RBFOX1: variants seen among roughly 807,000 people sequenced by gnomAD.
The protein encoded by RBFOX1 is RNA binding protein fox-1 homolog 1.
Under a neutral mutation model 57.7 loss-of-function variants are expected in RBFOX1, and 8 were observed. The observed-to-expected ratio is 0.14, with a 90% CI of 0.08 to 0.25. The LOEUF (loss-of-function observed/expected upper bound fraction) is 0.25. Ranked by LOEUF, RBFOX1 falls within the 10% of genes least tolerant of loss-of-function variation. The probability of loss-of-function intolerance (pLI) is 1.00; values close to 1 mark genes in which losing one functional copy is unlikely to be tolerated. For missense variants in RBFOX1, 611 were observed against 548.5 expected, an observed-to-expected ratio of 1.11 and a Z score of -1.14; for synonymous variants, 326 against 222.4, an observed-to-expected ratio of 1.47 and a Z score of -4.15.
intron 1 of RBFOX1, among the ~76,000 whole-genome samples, chr16:5,262,283 C>T (rs1458102974): frequency 6.6e-6 from 1 of 152,172 alleles, no homozygotes; most frequent in Non-Finnish European, 1.5e-5. Context: ...TTTGGCTACA[C>T]GTTATTCTGG....
At chr16:6,848,312 C>A (rs1436468064) in intron 3 of RBFOX1, among the ~76,000 whole-genome samples, 1 of 152,114 alleles carries the variant, frequency 6.6e-6, no homozygotes, top group East Asian at 1.9e-4. Context: ...GCCAGGCTTT[C>A]TCATTTCTCC....
intron 4 of RBFOX1, among the ~76,000 whole-genome samples, chr16:7,145,915 C>G (rs2074873227): frequency 1.3e-5 from 2 of 152,186 alleles, no homozygotes; most frequent in Admixed American, 1.3e-4. Flanking sequence ...CCATGACCCT[C>G]TGGCGGAGTA....
chr16:5,810,548 C>T (rs1017916363), intron 3 of RBFOX1, among the ~76,000 whole-genome samples: 4 of 152,186 alleles, frequency 2.6e-5, no homozygotes, highest in African/African-American at 9.7e-5. Context: ...GCACTTCTAT[C>T]CCATGGTGCT....
intron 2 of RBFOX1, among the ~76,000 whole-genome samples, chr16:6,335,750 C>T (rs1474034813): frequency 7.1e-5 from 10 of 141,016 alleles, no homozygotes; most frequent in Admixed American, 6.6e-4. Flanking sequence ...TACAGTCCAG[C>T]CTGGGGGATA....
At chr16:6,946,073 C>G (rs937126051) in intron 3 of RBFOX1, among the ~76,000 whole-genome samples, 1 of 152,330 alleles carries the variant, frequency 6.6e-6, no homozygotes, top group Middle Eastern at 3.4e-3. Context: ...CACCCTTTCC[C>G]CAGCAACCTT....
chr16:6,994,614 A>G (rs150643052), intron 3 of RBFOX1, among the ~76,000 whole-genome samples: 10 of 152,328 alleles, frequency 6.6e-5, no homozygotes, highest in African/African-American at 2.4e-4. Flanking sequence ...TGTATCTGCT[A>G]GTGTTTTGAT....
intron 3 of RBFOX1, among the ~76,000 whole-genome samples, chr16:6,659,107 A>G (rs1437629939): frequency 1.3e-5 from 2 of 151,958 alleles, no homozygotes; most frequent in Non-Finnish European, 2.9e-5. Flanking sequence ...TGAAGCATTT[A>G]AATTCATTTT....
intron 7 of RBFOX1, among the ~76,000 whole-genome samples, chr16:7,591,273 G>C (rs6416821): frequency 0.84 from 128,408 of 152,112 alleles, 54,793 homozygotes; most frequent in Admixed American, 0.9. Flanking sequence ...TGAATCTTCA[G>C]ATGCTCATCA....
intron 1 of RBFOX1, chr16:6,057,048 G>C (rs547337779): frequency 1.3e-5 from 2 of 151,484 alleles, no homozygotes; most frequent in Admixed American, 1.3e-4. Context: ...AGAGATTCAC[G>C]TATGGCTGAA....
At chr16:6,600,879 A>G (rs2097844865) in intron 2 of RBFOX1, among the ~76,000 whole-genome samples, 1 of 152,230 alleles carries the variant, frequency 6.6e-6, no homozygotes, top group South Asian at 2.1e-4. Context: ...TAACTGGGGA[A>G]TTAGATCTAT....
chr16:7,303,721 C>A (rs2142105554), intron 4 of RBFOX1, among the ~76,000 whole-genome samples: 1 of 151,880 alleles, frequency 6.6e-6, no homozygotes, highest in Admixed American at 6.6e-5. Context: ...AACCTCTCTT[C>A]CTCTCTTTCA....
chr16:5,348,919 T>G (rs775357961), intron 1 of RBFOX1, among the ~76,000 whole-genome samples: 1 of 152,206 alleles, frequency 6.6e-6, no homozygotes, highest in Non-Finnish European at 1.5e-5. Context: ...TTTCGTTTCT[T>G]TTGGATATAT....
chr16:7,313,850 C>G (rs984424202), intron 4 of RBFOX1, among the ~76,000 whole-genome samples: 1 of 152,078 alleles, frequency 6.6e-6, no homozygotes, highest in African/African-American at 2.4e-5. Context: ...CTGCACCATC[C>G]CTATGTCCTC....
At chr16:6,620,101 G>A (rs2098205775) in intron 2 of RBFOX1, among the ~76,000 whole-genome samples, 1 of 152,044 alleles carries the variant, frequency 6.6e-6, no homozygotes, top group African/African-American at 2.4e-5. Context: ...TCTTTATCCA[G>A]TCTATCATTG....
intron 2 of RBFOX1, among the ~76,000 whole-genome samples, chr16:5,473,788 T>C: frequency 7.6e-6 from 1 of 131,930 alleles, no homozygotes; most frequent in South Asian, 2.4e-4. Flanking sequence ...GATGGATAGA[T>C]GAATTGAAAG....
At chr16:7,358,832 G>A (rs771438451) in intron 4 of RBFOX1, among the ~76,000 whole-genome samples, 2 of 152,182 alleles carry the variant, frequency 1.3e-5, no homozygotes, top group African/African-American at 4.8e-5. Flanking sequence ...ATGTGCTCAC[G>A]ATGACTTATC....
At chr16:6,083,383 A>T (rs142218213) in intron 1 of RBFOX1, among the ~76,000 whole-genome samples, 26 of 152,318 alleles carry the variant, frequency 1.7e-4, no homozygotes, top group African/African-American at 5.8e-4. Context: ...GATCCCTCAT[A>T]TTTAAAACAT....
At chr16:5,589,053 G>A (rs2046923874) in intron 2 of RBFOX1, among the ~76,000 whole-genome samples, 1 of 152,214 alleles carries the variant, frequency 6.6e-6, no homozygotes, top group Admixed American at 6.5e-5. Context: ...GCATCCATCA[G>A]GGATGGCAGG....
At chr16:5,727,240 C>G (rs943661141) in intron 3 of RBFOX1, among the ~76,000 whole-genome samples, 1 of 151,390 alleles carries the variant, frequency 6.6e-6, no homozygotes, top group Non-Finnish European at 1.5e-5. Flanking sequence ...CCACTGCACT[C>G]CAGCCTGGGC....
Sources: allele counts gnomAD v4.1 joint callset (sites outside exome capture counted in the v4.1 genomes callset), GRCh38; gene constraint gnomAD v4.1.1; transcripts MANE v1.5; gene names NCBI Gene and HGNC (gene_info 2026-07-23, HGNC 2026-07-21).